The following SPAG16 variants were observed in gnomAD, a reference collection of about 807,000 sequenced individuals.
SPAG16 encodes the protein sperm associated antigen 16.
In SPAG16, 86 loss-of-function variants were observed where a neutral mutation model predicts 80.4. That is an observed-to-expected ratio of 1.07 (90% confidence interval 0.90 to 1.28). The LOEUF is 1.28. Ranked by LOEUF, SPAG16 falls within the 50% of genes most tolerant of loss-of-function variation. The probability of loss-of-function intolerance (pLI) is 0.00; values close to 1 mark genes in which losing one functional copy is unlikely to be tolerated. For synonymous variants in SPAG16, 294 were observed against 265.9 expected (o/e 1.11, Z -1.03); for missense variants, 870 against 765.3 (o/e 1.14, Z -1.61).
chr2:214,377,331 A>G (rs1325938482), intron 15 of SPAG16, among the ~76,000 whole-genome samples: 1 of 152,224 alleles, frequency 6.6e-6, no homozygotes, highest in African/African-American at 2.4e-5. Context: ...CCCAGGAAGC[A>G]GAGAAAAGTC....
chr2:214,373,755 C>T (rs1434756659), intron 15 of SPAG16, among the ~76,000 whole-genome samples: 1 of 152,088 alleles, frequency 6.6e-6, no homozygotes, highest in Non-Finnish European at 1.5e-5. Context: ...TTGCTGCATA[C>T]CTTTTTTTAT....
intron 13 of SPAG16, among the ~76,000 whole-genome samples, chr2:214,041,626 C>T (rs1218573292): frequency 2.6e-5 from 4 of 151,558 alleles, no homozygotes; most frequent in South Asian, 4.1e-4. Context: ...ATTTCTCTCT[C>T]GCTTCTTTTT....
intron 15 of SPAG16, among the ~76,000 whole-genome samples, chr2:214,158,745 T>C (rs1043424012): frequency 2.6e-5 from 4 of 151,984 alleles, no homozygotes; most frequent in African/African-American, 9.7e-5. Context: ...ATAATTGTAA[T>C]AATATAATTG....
At chr2:214,122,434 TAAAC>T (rs560026654) in intron 14 of SPAG16, among the ~76,000 whole-genome samples, 317 of 151,954 alleles carry the variant, frequency 2.1e-3, no homozygotes, top group Non-Finnish European at 3.9e-3. Context: ...AAACCAGTGA[TAAAC>T]AAAAAACTGC....
chr2:214,044,844 C>T (rs1437107102), intron 13 of SPAG16, among the ~76,000 whole-genome samples: 1 of 152,204 alleles, frequency 6.6e-6, no homozygotes, highest in African/African-American at 2.4e-5. Flanking sequence ...AGTGTTTAAA[C>T]CAGCCCTAGC....
At chr2:213,962,839 C>T (rs1319203827) in intron 12 of SPAG16, among the ~76,000 whole-genome samples, 1 of 152,086 alleles carries the variant, frequency 6.6e-6, no homozygotes, top group Non-Finnish European at 1.5e-5. Context: ...TATCATAGTA[C>T]TTTGTCTTTT....
chr2:213,482,236 AG>A (rs1316712169), intron 9 of SPAG16, among the ~76,000 whole-genome samples: 3 of 152,250 alleles, frequency 2.0e-5, no homozygotes, highest in Admixed American at 6.5e-5. Context: ...AAGGGCACAA[AG>A]GGGTGGCCAA....
chr2:213,919,690 T>A (rs989679766), intron 11 of SPAG16, among the ~76,000 whole-genome samples: 4 of 152,212 alleles, frequency 2.6e-5, no homozygotes, highest in Non-Finnish European at 5.9e-5. Flanking sequence ...TTGCATTTGC[T>A]GAGGATTGTT....
At chr2:214,296,758 A>T (rs1694163806) in intron 15 of SPAG16, among the ~76,000 whole-genome samples, 1 of 152,092 alleles carries the variant, frequency 6.6e-6, no homozygotes, top group Admixed American at 6.5e-5. Context: ...TCTAAATTTC[A>T]TGTTGAAATG....
intron 10 of SPAG16, among the ~76,000 whole-genome samples, chr2:213,825,768 C>T (rs1321990917): frequency 3.6e-5 from 5 of 138,432 alleles, no homozygotes; most frequent in African/African-American, 5.5e-5. Flanking sequence ...ACAGTGGACT[C>T]ATATAATGGG....
chr2:214,048,303 G>A (rs949179988), intron 13 of SPAG16, among the ~76,000 whole-genome samples: 5 of 151,982 alleles, frequency 3.3e-5, no homozygotes, highest in Non-Finnish European at 5.9e-5. Context: ...AGTGCCCATC[G>A]ACACTTAGGT....
At chr2:213,805,887 A>T (rs1180792177) in intron 10 of SPAG16, among the ~76,000 whole-genome samples, 3 of 152,224 alleles carry the variant, frequency 2.0e-5, no homozygotes, top group African/African-American at 7.2e-5. Flanking sequence ...TAAAAAGCCA[A>T]GTTGTAGGCA....
intron 10 of SPAG16, among the ~76,000 whole-genome samples, chr2:213,725,800 C>T (rs1286226679): frequency 1.3e-5 from 2 of 152,156 alleles, no homozygotes; most frequent in African/African-American, 4.8e-5. Context: ...TTAGTGTTTT[C>T]CAACAGCAAC....
intron 10 of SPAG16, among the ~76,000 whole-genome samples, chr2:213,663,844 G>A (rs2063509647): frequency 6.6e-6 from 1 of 152,036 alleles, no homozygotes; most frequent in African/African-American, 2.4e-5. Flanking sequence ...AAAGTTTCAT[G>A]ATATTATCTT....
chr2:213,773,674 C>A (rs977383655), intron 10 of SPAG16, among the ~76,000 whole-genome samples: 3 of 152,128 alleles, frequency 2.0e-5, no homozygotes, highest in African/African-American at 7.2e-5. Context: ...CTATCTCAGC[C>A]TCCTGAGTAG....
chr2:214,343,472 T>A (rs769364223), intron 15 of SPAG16, among the ~76,000 whole-genome samples: 1 of 152,016 alleles, frequency 6.6e-6, no homozygotes, highest in Non-Finnish European at 1.5e-5. Context: ...AGAAAAAAAA[T>A]TAAAATTGAA....
intron 12 of SPAG16, among the ~76,000 whole-genome samples, chr2:213,949,179 T>TTTTTTTTTTTTTTTTGTTTTTTTTTG (rs1553677674): frequency 7.7e-4 from 28 of 36,262 alleles, no homozygotes; most frequent in South Asian, 2.0e-3. Context: ...GTTTTTTTTT[T>TTTTTTTTTTTTTTTTGTTTTTTTTTG]TTTTTTTTTT....
chr2:213,439,463 A>G (rs77043981), intron 9 of SPAG16, among the ~76,000 whole-genome samples: 7,269 of 152,320 alleles, frequency 0.048, 253 homozygotes, highest in Middle Eastern at 0.11. Context: ...AAGGGGAACT[A>G]TCATTATGTT....
At chr2:214,287,571 A>G (rs941456389) in intron 15 of SPAG16, among the ~76,000 whole-genome samples, 2 of 152,198 alleles carry the variant, frequency 1.3e-5, no homozygotes, top group African/African-American at 4.8e-5. Context: ...TCATCTGCTC[A>G]TCTATTTGAG....
Sources: allele counts gnomAD v4.1 joint callset (sites outside exome capture counted in the v4.1 genomes callset), GRCh38; gene constraint gnomAD v4.1.1; transcripts MANE v1.5; gene names NCBI Gene and HGNC (gene_info 2026-07-23, HGNC 2026-07-21).